FBXW10: variants seen among roughly 807,000 people sequenced by gnomAD.
FBXW10 encodes F-box and WD repeat domain containing 10.
In FBXW10, 68 loss-of-function variants were observed where a neutral mutation model predicts 113.1. The observed-to-expected ratio is 0.60, with a 90% confidence interval of 0.49 to 0.74. The LOEUF (loss-of-function observed/expected upper bound fraction) is 0.74, where lower values mean the gene tolerates loss of function less well. FBXW10 is among the 30% of genes least tolerant of loss of function. The pLI, the probability that FBXW10 is intolerant of heterozygous loss-of-function variation, is 0.00. For synonymous variants in FBXW10, 289 were observed against 481.6 expected (o/e 0.60, Z 5.24); for missense variants, 753 against 1,284.5 (o/e 0.59, Z 6.32).
At position 18,778,714 on chromosome 17, in the gene FBXW10, A is replaced by G. The variant is rs2035747857; in HGVS notation, c.2575A>G (p.Lys859Glu). The G allele has an allele frequency of 6.2e-7, 1 of 1,613,536 alleles. No homozygotes were observed. Among genetic ancestry groups the G allele is most frequent in the Non-Finnish European group, 8.5e-7 (1 of 1,179,618 alleles). The change falls in exon 14 of 14, where the codon AAA becomes GAA. Residue 859 changes from lysine (K) to glutamate (E), a missense_variant. Lys to Glu is a moderately conservative substitution (Grantham distance 56). Transcript: ENST00000395665. ...ATACCCAAGGAAGGTCTTGAATTTC[A>G]AAGGAAAATCAATCCAACGTGCAGT... ...ISYPRKVLNFKGKSIQRAVDR... is the reference protein window; with the variant it reads ...ISYPRKVLNFEGKSIQRAVDR...
In FBXW10 at chr17:18,747,358, C is replaced by T. The variant is rs947100640; in HGVS notation, c.506-583C>T. On this transcript the variant is annotated intron_variant, in intron 1 of 13. Transcript: ENST00000395665. ...GGTGGATCACCTGGAGTCAGGAGTTCGAGACGAGCCTGGCCAACATGGCGA... is the reference window on the plus strand; with the variant it reads ...GGTGGATCACCTGGAGTCAGGAGTTTGAGACGAGCCTGGCCAACATGGCGA... Among the ~76,000 whole-genome samples, 6 of 152,060 alleles carry T rather than the reference C, an allele frequency of 3.9e-5. No homozygotes were observed. The South Asian group carries it at 8.3e-4, about 21-fold the overall frequency.
At chr17:18,751,092 G>A (rs373305814) in intron 5 of FBXW10, 39 bp downstream of exon 5, 66 of 1,612,488 alleles carry the variant, frequency 4.1e-5, no homozygotes, top group Non-Finnish European at 5.1e-5. Flanking sequence ...AGCTGTGAGC[G>A]TCTCATTCTA....
At chr17:18,767,334 G>T (rs768136371) in intron 9 of FBXW10, among the ~76,000 whole-genome samples, 30 of 151,758 alleles carry the variant, frequency 2.0e-4, no homozygotes, top group Non-Finnish European at 4.0e-4. Flanking sequence ...CAAAAAATTA[G>T]CCGGGCATGG....
Position 18,778,648 on chromosome 17 carries a change from C to A in FBXW10, c.2509C>A (p.Pro837Thr). Residue 837 changes from proline (P) to threonine (T), a missense_variant, in exon 14 of 14, where the codon CCC (proline) becomes ACC (threonine). Transcript: ENST00000395665. ...CGGGGAATTTGCCTATCCCTGTAGG[C>A]CCCAAACAGAAATTACTGATGTCTG... Reference protein sequence around the residue: ...NSGEFAYPCRPQTEITDVWGP... With the variant: ...NSGEFAYPCRTQTEITDVWGP... 1 of 1,613,772 alleles carries A rather than the reference C, an allele frequency of 6.2e-7. No individual in the cohort carries two copies. Among genetic ancestry groups the A allele is most frequent in the Non-Finnish European group, 8.5e-7 (1 of 1,179,862 alleles).
chr17:18,777,924 T>A (rs910185516), intron 13 of FBXW10, among the ~76,000 whole-genome samples: 1 of 152,064 alleles, frequency 6.6e-6, no homozygotes, highest in Non-Finnish European at 1.5e-5. Flanking sequence ...GAGGCTAATA[T>A]ACTCTTTACT....
chr17:18,772,690 AACTGAAAT>A lies in FBXW10; in HGVS notation c.2278+10_2278+17del. 2 of 1,605,308 alleles carry A rather than the reference AACTGAAAT, an allele frequency of 1.2e-6. No homozygotes were observed. The highest frequency in any genetic ancestry group is 1.7e-6 in the Non-Finnish European group (2 of 1,176,930). ...CCGGCCAAGTTCTCTTCAGGTAAAA[AACTGAAAT>A]ACCAGCAAGTTCAGTGATAACCCAC... is the stretch of plus-strand genomic sequence containing the variant. On this transcript the variant is annotated splice_region_variant and intron_variant, in intron 12 of 13. Coordinates refer to ENST00000395665, the MANE Select transcript of FBXW10 (RefSeq NM_001267585.2).
At chr17:18,769,301 C>T (rs577561014) in intron 10 of FBXW10, among the ~76,000 whole-genome samples, 6 of 152,134 alleles carry the variant, frequency 3.9e-5, no homozygotes, top group South Asian at 2.1e-4. Flanking sequence ...TATAAGTAAA[C>T]GCTAGGAATC....
At chr17:18,764,915 T>C (rs2035462049) in intron 8 of FBXW10, 52 bp downstream of exon 8, 1 of 1,613,548 alleles carries the variant, frequency 6.2e-7, no homozygotes, top group African/African-American at 1.3e-5. Flanking sequence ...GACCCACGGG[T>C]TACCAAAATG....
At chr17:18,764,586 G>A (rs558541751) in intron 7 of FBXW10, among the ~76,000 whole-genome samples, 156 bp from the exon 8 acceptor site, 8 of 152,234 alleles carry the variant, frequency 5.3e-5, no homozygotes, top group Non-Finnish European at 7.4e-5. Context: ...CACCAAATAG[G>A]TGCTGCAGCT....
intron 1 of FBXW10, among the ~76,000 whole-genome samples, chr17:18,746,611 C>T (rs4644902): frequency 0.058 from 8,797 of 152,062 alleles, 556 homozygotes; most frequent in African/African-American, 0.15. Flanking sequence ...ACAGTGAATC[C>T]TAGGGTGTCA....
chr17:18,777,815 T>C (rs1240774059), intron 13 of FBXW10, among the ~76,000 whole-genome samples: 2 of 151,430 alleles, frequency 1.3e-5, no homozygotes, highest in African/African-American at 4.8e-5. Flanking sequence ...AGTGTGGGGA[T>C]TACAGGCGTG....
intron 7 of FBXW10, 56 bp downstream of exon 7, chr17:18,758,561 C>T (rs2035318303): frequency 3.7e-6 from 6 of 1,607,044 alleles, no homozygotes; most frequent in South Asian, 2.2e-5. Flanking sequence ...AGAGGCAGCT[C>T]ATGGAAGAAG....
rs1444881985 is a variant in FBXW10 at position 18,779,255 on chromosome 17, G to T, written c.3116G>T (p.Gly1039Val). The T allele has an allele frequency of 6.2e-6, 8 of 1,286,274 alleles. No homozygotes were observed. The highest frequency in any genetic ancestry group is 8.8e-6 in the Non-Finnish European group (8 of 911,356). 79.7% of individuals were successfully genotyped at this position (1,286,274 alleles called of 1,614,324 possible). The change falls in exon 14 of 14, where the codon GGG becomes GTG. Residue 1039 changes from glycine (G) to valine (V), a missense_variant. Gly to Val is a moderately radical substitution (Grantham distance 109, BLOSUM62 -3). Transcript: ENST00000395665. ...CCTATTGATAATTTCACGAAGCAAG[G>T]GAAAACAGCGGCCCCTGAACTTGGA... Reference protein sequence around the residue: ...GLPIDNFTKQGKTAAPELGQN... With the variant: ...GLPIDNFTKQVKTAAPELGQN...
intron 9 of FBXW10, among the ~76,000 whole-genome samples, chr17:18,767,683 C>T (rs1404403844): frequency 6.6e-6 from 1 of 152,114 alleles, no homozygotes; most frequent in East Asian, 1.9e-4. Flanking sequence ...CACAGGATCA[C>T]AGTGAAAAGT....
intron 7 of FBXW10, among the ~76,000 whole-genome samples, chr17:18,763,863 A>G (rs2035434585): frequency 6.7e-6 from 1 of 149,312 alleles, no homozygotes; most frequent in Admixed American, 6.8e-5. Flanking sequence ...GGACGCTTCT[A>G]TCTAAAAACC....
At chr17:18,750,555 A>G (rs2035146761) in intron 4 of FBXW10, among the ~76,000 whole-genome samples, 1 of 152,092 alleles carries the variant, frequency 6.6e-6, no homozygotes, top group Non-Finnish European at 1.5e-5. Context: ...CCCCAATGGC[A>G]ATCTTCTCCA....
intron 1 of FBXW10, among the ~76,000 whole-genome samples, chr17:18,745,734 A>G (rs4315390): frequency 0.48 from 73,407 of 151,942 alleles, 17,947 homozygotes; most frequent in African/African-American, 0.54. Flanking sequence ...TATTTCTAAC[A>G]AGTTTCCAGC....
At chr17:18,759,059 A>C (rs530044590) in intron 7 of FBXW10, among the ~76,000 whole-genome samples, 2 of 152,100 alleles carry the variant, frequency 1.3e-5, no homozygotes, top group East Asian at 3.9e-4. Flanking sequence ...AGTCCCAGCT[A>C]CTCGGGACGC....
chr17:18,759,092 C>T (rs1294228099), intron 7 of FBXW10, among the ~76,000 whole-genome samples: 1 of 152,072 alleles, frequency 6.6e-6, no homozygotes, highest in Admixed American at 6.6e-5. Flanking sequence ...ATGGTGTGAA[C>T]CTGGGAGGTG....
Sources: gnomAD v4.1 joint callset for allele counts (sites outside exome capture counted in the v4.1 genomes callset) on GRCh38, gnomAD v4.1.1 for gene constraint, MANE v1.5 for transcripts, NCBI Gene and HGNC (gene_info 2026-07-23, HGNC 2026-07-21) for gene names.